Variants in PAK2 observed in about 807,000 individuals in gnomAD.
PAK2 encodes the protein p21 (RAC1) activated kinase 2, also known as serine/threonine-protein kinase PAK 2.
PAK2 carries 21 observed loss-of-function variants against 65.9 expected under a neutral mutation model. That is an observed-to-expected ratio of 0.32 (90% CI 0.23 to 0.46). The LOEUF is 0.46. Ranked by LOEUF, PAK2 falls within the 20% of genes least tolerant of loss-of-function variation. PAK2 has a pLI of 1.00. For synonymous variants in PAK2, 204 were observed against 219.7 expected (o/e 0.93, Z 0.63); for missense variants, 324 against 642.6 (o/e 0.50, Z 5.36).
chr3:196,806,033 T>G (rs1017191218), intron 5 of PAK2, among the ~76,000 whole-genome samples: 1 of 151,970 alleles, frequency 6.6e-6, no homozygotes, highest in African/African-American at 2.4e-5. Flanking sequence ...TGCCTCAGCC[T>G]CCCGAGTAGC....
chr3:196,827,461 T>G, intron 14 of PAK2, 128 bp downstream of exon 14: 1 of 1,493,622 alleles, frequency 6.7e-7, no homozygotes, highest in Non-Finnish European at 8.9e-7. Context: ...GCTGCTGCAA[T>G]TTAGGGTTTC....
At chr3:196,804,413 T>C (rs1190278601) in intron 4 of PAK2, among the ~76,000 whole-genome samples, 1 of 152,100 alleles carries the variant, frequency 6.6e-6, no homozygotes, top group African/African-American at 2.4e-5. Flanking sequence ...TGGTAGCTTA[T>C]TTTCACCTAG....
intron 1 of PAK2, among the ~76,000 whole-genome samples, chr3:196,750,313 C>A (rs1713531616): frequency 6.6e-6 from 1 of 151,758 alleles, no homozygotes; most frequent in African/African-American, 2.4e-5. Context: ...TTTTTAAAAT[C>A]TTTTTGTAGA....
At chr3:196,759,509 T>TG (rs1560092839) in intron 1 of PAK2, among the ~76,000 whole-genome samples, 6 of 112,774 alleles carry the variant, frequency 5.3e-5, no homozygotes, top group Admixed American at 1.0e-4. Flanking sequence ...TTTTTTTTTT[T>TG]TTTTTTTTTT....
chr3:196,740,385 G>C (rs1156596694), intron 1 of PAK2, among the ~76,000 whole-genome samples: 1 of 152,158 alleles, frequency 6.6e-6, no homozygotes, highest in African/African-American at 2.4e-5. Flanking sequence ...TGGGAAGCTC[G>C]CTGGGCTGCG....
intron 2 of PAK2, among the ~76,000 whole-genome samples, chr3:196,787,264 C>G (rs1170296334): frequency 1.3e-5 from 2 of 151,982 alleles, no homozygotes; most frequent in Non-Finnish European, 2.9e-5. Context: ...AAAAAAAAAC[C>G]TGTGGCTACT....
rs557616773 is a variant in PAK2 at position 196,803,152 on chromosome 3, T to G, written c.424T>G (p.Phe142Val). ...SNTVKQKYLS[F>V]TPPEKDGFPS... ...CACAGTGAAGCAGAAATATCTGAGC[T>G]TTACTCCTCCTGGTAAGAGAGTGGC... Residue 142 changes from phenylalanine (F) to valine (V), a missense_variant, in exon 4 of 15, where the codon TTT becomes GTT. Physicochemically the swap from Phe to Val is conservative, Grantham distance 50 (BLOSUM62 -1). Coordinates refer to ENST00000327134, the MANE Select transcript of PAK2 (RefSeq NM_002577.4). 5 of 1,607,992 alleles carry G rather than the reference T, an allele frequency of 3.1e-6. No homozygotes were observed. In the African/African-American group the frequency reaches 5.4e-5, roughly 17 times the overall value.
intron 1 of PAK2, among the ~76,000 whole-genome samples, chr3:196,743,926 C>T (rs570805092): frequency 2.0e-5 from 3 of 151,940 alleles, no homozygotes; most frequent in Non-Finnish European, 2.9e-5. Context: ...TCTAAAAGAA[C>T]GAAGTTTCTG....
intron 1 of PAK2, among the ~76,000 whole-genome samples, chr3:196,777,331 G>A (rs1022629911): frequency 2.0e-5 from 3 of 152,092 alleles, no homozygotes; most frequent in Non-Finnish European, 4.4e-5. Flanking sequence ...AGCCGCCCGA[G>A]TAGCTGGGAC....
intron 1 of PAK2, among the ~76,000 whole-genome samples, chr3:196,743,602 C>T (rs1006338113): frequency 1.6e-4 from 25 of 152,116 alleles, no homozygotes; most frequent in Admixed American, 1.6e-3. Context: ...AATCACAACA[C>T]ATTAGGAGGC....
intron 1 of PAK2, among the ~76,000 whole-genome samples, chr3:196,766,582 A>G (rs1210855365): frequency 6.6e-6 from 1 of 152,192 alleles, no homozygotes; most frequent in Non-Finnish European, 1.5e-5. Flanking sequence ...TACTACAAGC[A>G]GTATTGTTCA....
chr3:196,788,274 T>G (rs1326588215), intron 2 of PAK2, among the ~76,000 whole-genome samples: 1 of 152,190 alleles, frequency 6.6e-6, no homozygotes, highest in East Asian at 1.9e-4. Context: ...CATAATGACC[T>G]TAAGACTTTT....
intron 10 of PAK2, among the ~76,000 whole-genome samples, chr3:196,813,603 G>GA (rs1560115140): frequency 1.3e-5 from 2 of 152,092 alleles, no homozygotes; most frequent in Non-Finnish European, 2.9e-5. Flanking sequence ...TTAGAATGAG[G>GA]AAAAAATAAT....
In PAK2 at chr3:196,810,654, G is replaced by T. The variant is rs1359957116; in HGVS notation, c.773+1G>T. ...CAAGATATGAAAAAATTGGACAAGGGTAAGTATTTGTGACTGTATTACGAT... is the reference window on the plus strand; with the variant it reads ...CAAGATATGAAAAAATTGGACAAGGTTAAGTATTTGTGACTGTATTACGAT... On this transcript the variant is annotated splice_donor_variant, in intron 8 of 14. Coordinates refer to ENST00000327134, the MANE Select transcript of PAK2 (RefSeq NM_002577.4). LOFTEE classifies it high-confidence loss of function. 1 of 1,380,008 alleles carries T rather than the reference G, an allele frequency of 7.2e-7. No homozygotes were observed. The allele number at this position is 1,380,008 out of a possible 1,614,324, so 85.5% of individuals were successfully genotyped here. A position where few individuals can be genotyped will look rare whatever the true frequency, so the allele number is the denominator to read the frequency against.
At chr3:196,811,203 CTTCCT>C (rs1715779117) in intron 8 of PAK2, among the ~76,000 whole-genome samples, 1 of 53,648 alleles carries the variant, frequency 1.9e-5, no homozygotes, top group Non-Finnish European at 3.8e-5. Flanking sequence ...TCCTTCCTCC[CTTCCT>C]TCCCTTCCCT....
chr3:196,782,593 C>T (rs1714750637), intron 1 of PAK2, 33 bp from the exon 2 acceptor site: 1 of 1,062,924 alleles, frequency 9.4e-7, no homozygotes, highest in Non-Finnish European at 1.4e-6. Flanking sequence ...CTATTTTTTA[C>T]TTTGTTACTA....
At chr3:196,811,069 ACTC>A (rs1181743692) in intron 8 of PAK2, among the ~76,000 whole-genome samples, 2 of 151,866 alleles carry the variant, frequency 1.3e-5, no homozygotes, top group African/African-American at 4.8e-5. Flanking sequence ...TACTAACTAA[ACTC>A]CTTTTTTCTG....
At chr3:196,765,370 G>A (rs1714129923) in intron 1 of PAK2, among the ~76,000 whole-genome samples, 1 of 151,878 alleles carries the variant, frequency 6.6e-6, no homozygotes, top group Admixed American at 6.6e-5. Context: ...GGCTGGGCTC[G>A]AACTCCTGGC....
chr3:196,744,403 A>G (rs1464411800), intron 1 of PAK2, among the ~76,000 whole-genome samples: 1 of 150,862 alleles, frequency 6.6e-6, no homozygotes, highest in Non-Finnish European at 1.5e-5. Flanking sequence ...AAACAAGTCA[A>G]TTAAATATTT....
Sources: allele counts gnomAD v4.1 joint callset (sites outside exome capture counted in the v4.1 genomes callset), GRCh38; gene constraint gnomAD v4.1.1; transcripts MANE v1.5; gene names NCBI Gene and HGNC (gene_info 2026-07-23, HGNC 2026-07-21).